The following FAM83F variants were observed in gnomAD, a reference collection of about 807,000 sequenced individuals.
The protein encoded by FAM83F is protein FAM83F.
In FAM83F, 45 loss-of-function variants were observed where a neutral mutation model predicts 42.9. That is an observed-to-expected ratio of 1.05 (90% confidence interval 0.83 to 1.35). The LOEUF (loss-of-function observed/expected upper bound fraction) is 1.35. Among genes scored for constraint, FAM83F ranks in the 40% most tolerant of loss-of-function variants. The pLI is 0.00. For missense variants in FAM83F, 617 were observed against 695.9 expected (o/e 0.89, Z 1.28); for synonymous variants, 306 against 298.3 (o/e 1.03, Z -0.27).
At chr22:40,014,131 CT>C (rs57224519) in intron 1 of FAM83F, among the ~76,000 whole-genome samples, 144 of 116,794 alleles carry the variant, frequency 1.2e-3, no homozygotes, top group Middle Eastern at 0.011. Context: ...TATTTCTTTT[CT>C]TTTTTTTTTT....
chr22:39,998,510 TG>T (rs1230900108), intron 1 of FAM83F, among the ~76,000 whole-genome samples: 1 of 75,468 alleles, frequency 1.3e-5, no homozygotes, highest in African/African-American at 5.2e-5. Context: ...AGAACATGAA[TG>T]GGGGGTGAGG....
Position 40,023,693 on chromosome 22 carries a change from T to G in FAM83F, c.1453+1730T>G, listed in dbSNP as rs536341582. Among the ~76,000 whole-genome samples the G allele has an allele frequency of 6.6e-6, 1 of 152,312 alleles. No homozygotes were observed. Among genetic ancestry groups the G allele is most frequent in the African/African-American group, 2.4e-5 (1 of 41,566 alleles). On this transcript the variant is annotated intron_variant, in intron 4 of 4. Coordinates refer to ENST00000333407, the MANE Select transcript of FAM83F (RefSeq NM_138435.4). This position sits in a 1 kb window ranked among gnomAD's most constrained non-coding sequence, Gnocchi z 4.1. The stretch of plus-strand genomic sequence containing the variant: ...CTGCCCCTGCTGCCGCTCTCTGGTG[T>G]CTGCACATGGTGCCCAGGAGCCAGC...
chr22:40,011,969 A>T (rs1286563450), intron 1 of FAM83F, among the ~76,000 whole-genome samples: 1 of 151,830 alleles, frequency 6.6e-6, no homozygotes, highest in African/African-American at 2.4e-5. Flanking sequence ...TAGCTGCACC[A>T]GTGCTCCCAC....
At chr22:40,024,382 C>T (rs1227721516) in intron 4 of FAM83F, among the ~76,000 whole-genome samples, 1 of 152,212 alleles carries the variant, frequency 6.6e-6, no homozygotes, top group South Asian at 2.1e-4. Flanking sequence ...TGTCTCCCCT[C>T]AGGCAGCAGC....
intron 1 of FAM83F, among the ~76,000 whole-genome samples, chr22:40,014,135 T>TC (rs1351131703): frequency 6.8e-6 from 1 of 146,872 alleles, no homozygotes; most frequent in African/African-American, 2.5e-5. Flanking sequence ...TCTTTTCTTT[T>TC]TTTTTTTTTT....
intron 1 of FAM83F, among the ~76,000 whole-genome samples, chr22:40,016,954 G>A (rs889579258): frequency 6.6e-6 from 1 of 152,034 alleles, no homozygotes; most frequent in Admixed American, 6.6e-5. Context: ...TTGAGACACT[G>A]TATCTGGCTG....
rs1192873772 is a variant in FAM83F, at chr22:40,012,420, CCACTG to C, written c.490-6744_490-6740del. Among the ~76,000 whole-genome samples the C allele has an allele frequency of 2.0e-4, 31 of 152,190 alleles. No individual in the cohort carries two copies. In the East Asian group the frequency reaches 6.0e-3, roughly 30 times the overall value. ...AAAGTGTTGGGATTACAGGCGTGAG[CCACTG>C]CACCCAGCCATCTCTTTGTTTTAAT... On this transcript the variant is annotated intron_variant, in intron 1 of 4. Coordinates refer to ENST00000333407, the MANE Select transcript of FAM83F (RefSeq NM_138435.4).
Position 39,995,569 on chromosome 22 carries a change from C to G in FAM83F, c.489+38C>G. 1 of 1,507,980 alleles carries G rather than the reference C, an allele frequency of 6.6e-7. No individual in the cohort carries two copies. The highest frequency in any genetic ancestry group is 1.4e-5 in the African/African-American group (1 of 72,502). The allele number at this position is 1,507,980 out of a possible 1,614,324, so 93.4% of individuals were successfully genotyped here. ...CTTCGCCCCCACACCGCTGGGACCTCGGCCCCAGTCCCCTGGACCGGGCCC... is the reference window on the plus strand; with the variant it reads ...CTTCGCCCCCACACCGCTGGGACCTGGGCCCCAGTCCCCTGGACCGGGCCC... On this transcript the variant is annotated intron_variant, in intron 1 of 4. Coordinates refer to ENST00000333407, the MANE Select transcript of FAM83F (RefSeq NM_138435.4). This position sits in a 1 kb window ranked among gnomAD's most constrained non-coding sequence, Gnocchi z 4.6.
Position 40,021,631 on chromosome 22 carries a change from T to C in FAM83F, c.1121T>C (p.Phe374Ser), listed in dbSNP as rs2067522476. 1 of 1,591,246 alleles carries C rather than the reference T, an allele frequency of 6.3e-7. No homozygotes were observed. Among genetic ancestry groups the C allele is most frequent in the Non-Finnish European group, 8.6e-7 (1 of 1,163,320 alleles). Residue 374 changes from phenylalanine to serine, a missense_variant, in exon 4 of 5, where the codon TTC becomes TCC. Coordinates refer to ENST00000333407, the MANE Select transcript of FAM83F (RefSeq NM_138435.4). The surrounding 1 kb of genome is among the most constrained non-coding windows in gnomAD (Gnocchi z 8.7). ...GGESAWRLES[F>S]LKDLVTVEQV... ...GAGTCGGCCTGGCGCCTGGAGAGCT[T>C]CCTGAAAGACCTGGTTACGGTGGAG... is the stretch of plus-strand genomic sequence containing the variant.
At chr22:40,014,644 C>T (rs1473845127) in intron 1 of FAM83F, among the ~76,000 whole-genome samples, 1 of 152,110 alleles carries the variant, frequency 6.6e-6, no homozygotes, top group Non-Finnish European at 1.5e-5. Context: ...GTAGTAATTT[C>T]TTCTTTTTCA....
intron 4 of FAM83F, among the ~76,000 whole-genome samples, chr22:40,024,153 C>T (rs1054449224): frequency 6.6e-6 from 1 of 152,186 alleles, no homozygotes; most frequent in African/African-American, 2.4e-5. Context: ...GTGTGTGCCA[C>T]CATGCCTGGC....
At chr22:39,999,232 T>C (rs1206441262) in intron 1 of FAM83F, 1 of 152,212 alleles carries the variant, frequency 6.6e-6, no homozygotes, top group East Asian at 1.9e-4. Context: ...GGAAGGCCCT[T>C]TGATGCCGAG....
intron 4 of FAM83F, among the ~76,000 whole-genome samples, chr22:40,025,852 G>A (rs1001773033): frequency 2.6e-5 from 4 of 152,170 alleles, no homozygotes; most frequent in African/African-American, 4.8e-5. Context: ...CAGACCAGCC[G>A]ACTCCGTGGC....
intron 1 of FAM83F, among the ~76,000 whole-genome samples, chr22:39,998,515 G>T (rs926959180): frequency 2.0e-5 from 3 of 151,956 alleles, no homozygotes; most frequent in African/African-American, 4.8e-5. Flanking sequence ...ATGAATGGGG[G>T]GTGAGGGGGG....
rs748708611 is a variant in FAM83F, at chr22:40,041,560, A to G, written c.*11995A>G. 16 of 152,156 alleles carry G rather than the reference A, an allele frequency of 1.1e-4. No individual in the cohort carries two copies. Among genetic ancestry groups the G allele is most frequent in the Admixed American group, 6.5e-4 (10 of 15,282 alleles). The allele number at this position is 152,156 out of a possible 1,614,324, so 9.4% of individuals were successfully genotyped here. On this transcript the variant is annotated 3_prime_UTR_variant, in exon 5 of 5. Coordinates refer to ENST00000333407, the MANE Select transcript of FAM83F (RefSeq NM_138435.4). Reference sequence around the variant, plus strand: ...AGGAATTGAAACCCATCTTCTCCACAATAAATATTTGATTGACAGATTGGC... The same window carrying G: ...AGGAATTGAAACCCATCTTCTCCACGATAAATATTTGATTGACAGATTGGC...
In FAM83F at chr22:40,021,755, C is replaced by G. The variant is rs761054499; in HGVS notation, c.1245C>G (p.Ser415=). ...SHMHRDLKPK[S]REAPSRNGMG... is the part of the protein sequence containing the mutation. ...TGCACAGAGACCTGAAGCCCAAATC[C>G]CGAGAGGCACCCAGCCGAAACGGCA... Residue 415 remains serine (S), a synonymous_variant, in exon 4 of 5, where the codon TCC becomes TCG. Coordinates refer to ENST00000333407, the MANE Select transcript of FAM83F (RefSeq NM_138435.4). The surrounding 1 kb of genome is among the most constrained non-coding windows in gnomAD (Gnocchi z 8.7). 6 of 1,612,792 alleles carry G rather than the reference C, an allele frequency of 3.7e-6. No individual in the cohort carries two copies. Among genetic ancestry groups the G allele is most frequent in the African/African-American group, 2.7e-5 (2 of 74,914 alleles).
chr22:40,003,656 C>T (rs2067413014), intron 1 of FAM83F, among the ~76,000 whole-genome samples: 1 of 152,158 alleles, frequency 6.6e-6, no homozygotes, highest in South Asian at 2.1e-4. Context: ...TCAGCTGGAG[C>T]TGCTGCCCTT....
Position 40,032,429 on chromosome 22 carries a change from G to C in FAM83F, c.*2864G>C, listed in dbSNP as rs6001722. ...TCCTTAATCTTATCCCTGACCCCTCGAGGGCTTTCAAGATAGCCTCTGTTA... is the reference window on the plus strand; with the variant it reads ...TCCTTAATCTTATCCCTGACCCCTCCAGGGCTTTCAAGATAGCCTCTGTTA... On this transcript the variant is annotated 3_prime_UTR_variant, in exon 5 of 5. Coordinates refer to ENST00000333407, the MANE Select transcript of FAM83F (RefSeq NM_138435.4). 2.6e-5 allele frequency: 4 copies of C among 152,028 alleles called. No individual in the cohort carries two copies. Among genetic ancestry groups the C allele is most frequent in the African/African-American group, 4.8e-5 (2 of 41,368 alleles). 9.4% of individuals were successfully genotyped at this position (152,028 alleles called of 1,614,324 possible). A position where few individuals can be genotyped will look rare whatever the true frequency, so the allele number is the denominator to read the frequency against.
chr22:40,041,204 C>G lies in FAM83F; in HGVS notation c.*11639C>G, dbSNP rs1313108457. 2 of 152,196 alleles carry G rather than the reference C, an allele frequency of 1.3e-5. No homozygotes were observed. The highest frequency in any genetic ancestry group is 2.9e-5 in the Non-Finnish European group (2 of 68,032). The allele number at this position is 152,196 out of a possible 1,614,324, so 9.4% of individuals were successfully genotyped here. On this transcript the variant is annotated 3_prime_UTR_variant, in exon 5 of 5. Coordinates refer to ENST00000333407, the MANE Select transcript of FAM83F (RefSeq NM_138435.4). ...ACCACATATAGAGCGCTAAGAATAG[C>G]ACAGCGCTCCAAGAACATAGTGCAC...
Sources: allele counts gnomAD v4.1 joint callset (sites outside exome capture counted in the v4.1 genomes callset), GRCh38; gene constraint gnomAD v4.1.1; non-coding constraint Gnocchi (gnomAD v3.1); transcripts MANE v1.5; gene names NCBI Gene and HGNC (gene_info 2026-07-23, HGNC 2026-07-21).